Variants in MBP observed in about 807,000 individuals in gnomAD.
The protein encoded by MBP is myelin basic protein.
A neutral mutation model predicts 35.8 loss-of-function variants in MBP; 16 were observed. The ratio of observed to expected loss-of-function variants is 0.45; its 90% CI spans 0.30 to 0.68. MBP has a LOEUF of 0.68. Ranked by LOEUF, MBP falls within the 30% of genes least tolerant of loss-of-function variation. MBP has a pLI of 0.08. For synonymous variants in MBP, 143 were observed against 159.6 expected (o/e 0.90, Z 0.78); for missense variants, 380 against 404.7 (o/e 0.94, Z 0.52).
At chr18:77,027,092 CT>C (rs1972253911) in intron 3 of MBP, among the ~76,000 whole-genome samples, 1 of 152,100 alleles carries the variant, frequency 6.6e-6, no homozygotes, top group African/African-American at 2.4e-5. Context: ...GATTCCCAGA[CT>C]TCATAGGCCA....
chr18:77,023,508 G>C (rs1343038657), intron 3 of MBP, among the ~76,000 whole-genome samples: 1 of 152,072 alleles, frequency 6.6e-6, no homozygotes, highest in Non-Finnish European at 1.5e-5. Context: ...CTCATCTCCA[G>C]GATCCCTTCG....
chr18:77,025,828 G>A (rs2123545742), intron 3 of MBP, among the ~76,000 whole-genome samples: 1 of 148,764 alleles, frequency 6.7e-6, no homozygotes, highest in South Asian at 2.1e-4. Flanking sequence ...CAAACATCTG[G>A]GTTCCCAGGC....
chr18:76,985,631 C>A (rs1449014872), intron 7 of MBP: 2 of 1,056,508 alleles, frequency 1.9e-6, no homozygotes, highest in East Asian at 1.7e-4. Flanking sequence ...GCACGGGGGG[C>A]GGCCGCATCC....
chr18:77,011,587 G>A (rs774721188), intron 4 of MBP, among the ~76,000 whole-genome samples: 16 of 152,274 alleles, frequency 1.1e-4, no homozygotes, highest in South Asian at 2.1e-4. Context: ...CTGTAACCCC[G>A]GCTGCCTGCC....
chr18:76,998,448 G>A (rs1198643235), intron 4 of MBP, among the ~76,000 whole-genome samples: 2 of 152,162 alleles, frequency 1.3e-5, no homozygotes, highest in African/African-American at 4.8e-5. Context: ...TCCACCTTCT[G>A]GCTCTAGTTC....
chr18:77,080,474 C>A (rs1974845887), intron 2 of MBP, among the ~76,000 whole-genome samples: 1 of 152,158 alleles, frequency 6.6e-6, no homozygotes, highest in African/African-American at 2.4e-5. Flanking sequence ...GGTGTTTGGC[C>A]TCCACCCACT....
rs534855546 is a variant in MBP at position 77,022,886 on chromosome 18, T to TC, written c.140-5619dup. Among the ~76,000 whole-genome samples the TC allele has an allele frequency of 3.1e-3, 478 of 152,370 alleles. 3 individuals are homozygous for TC. Among genetic ancestry groups the TC allele is most frequent in the African/African-American group, 6.1e-3 (255 of 41,584 alleles). ...TTTGGTAGGGGCGAGTGCAGTTTAG[T>TC]CGTTAATATTGCCTTCAGTCAAACG... On this transcript the variant is annotated intron_variant, in intron 3 of 8. Transcript: ENST00000355994.
chr18:77,076,590 A>G (rs983789590), intron 2 of MBP, among the ~76,000 whole-genome samples: 2 of 152,198 alleles, frequency 1.3e-5, no homozygotes, highest in African/African-American at 4.8e-5. Context: ...GTTTGGAATC[A>G]TTTGTTCTGT....
At chr18:77,016,453 C>T (rs902077261) in intron 4 of MBP, 2 of 1,065,732 alleles carry the variant, frequency 1.9e-6, no homozygotes, top group East Asian at 6.8e-5. Context: ...TGAACCCCAG[C>T]GTGTGGGCTG....
At chr18:77,078,942 C>A (rs1974773053) in intron 2 of MBP, among the ~76,000 whole-genome samples, 3 of 152,330 alleles carry the variant, frequency 2.0e-5, no homozygotes, top group Admixed American at 1.3e-4. Flanking sequence ...CTGCCCAGCA[C>A]CCTCCCAAGA....
intron 3 of MBP, among the ~76,000 whole-genome samples, chr18:77,034,701 C>T (rs1284626875): frequency 1.3e-5 from 2 of 152,172 alleles, no homozygotes; most frequent in Admixed American, 6.5e-5. Flanking sequence ...TCCAGTGGTG[C>T]GTTTTATGCC....
chr18:77,049,239 G>T (rs1388023029), intron 3 of MBP, among the ~76,000 whole-genome samples: 2 of 152,148 alleles, frequency 1.3e-5, no homozygotes, highest in Non-Finnish European at 2.9e-5. Context: ...TTTTTAATCT[G>T]TTTTGTTCAC....
intron 4 of MBP, among the ~76,000 whole-genome samples, chr18:76,994,272 G>T (rs933663914): frequency 6.6e-6 from 1 of 152,192 alleles, no homozygotes; most frequent in African/African-American, 2.4e-5. Flanking sequence ...CTCGGTGTTT[G>T]GATAGCATTT....
In MBP at chr18:76,988,770, A is replaced by G. The variant is rs917077809; in HGVS notation, c.717+107T>C. The stretch of plus-strand genomic sequence containing the variant: ...GAGCTGCCTGGCAACACGTTTTGGG[A>G]TGGATTCTGGTAGCTCGGAGCCTAA... On this transcript the variant is annotated intron_variant, in intron 6 of 8. Coordinates refer to ENST00000355994, the MANE Select transcript of MBP (RefSeq NM_001025101.2). This position sits in a 1 kb window ranked among gnomAD's most constrained non-coding sequence, Gnocchi z 5.2. The G allele has an allele frequency of 2.8e-6, 4 of 1,413,008 alleles. No homozygotes were observed. Among genetic ancestry groups the G allele is most frequent in the African/African-American group, 2.9e-5 (2 of 69,874 alleles). The allele number at this position is 1,413,008 out of a possible 1,614,324, so 87.5% of individuals were successfully genotyped here.
chr18:77,130,862 A>G (rs951886760), intron 1 of MBP, among the ~76,000 whole-genome samples: 4 of 151,986 alleles, frequency 2.6e-5, no homozygotes, highest in African/African-American at 9.7e-5. Context: ...CAGAACTGTG[A>G]TACTTCTGGA....
intron 3 of MBP, among the ~76,000 whole-genome samples, chr18:77,022,763 T>C (rs560661316): frequency 3.3e-5 from 5 of 152,348 alleles, no homozygotes; most frequent in Non-Finnish European, 7.3e-5. Flanking sequence ...ATGCAGTTAT[T>C]TGTGAGGCAC....
At chr18:77,025,867 G>A (rs944427173) in intron 3 of MBP, among the ~76,000 whole-genome samples, 3 of 152,212 alleles carry the variant, frequency 2.0e-5, no homozygotes, top group Non-Finnish European at 4.4e-5. Flanking sequence ...AAACCAGGAC[G>A]GACAGGCCGA....
At chr18:77,085,702 T>TTTTTTTA (rs776391798) in intron 2 of MBP, among the ~76,000 whole-genome samples, 1 of 143,736 alleles carries the variant, frequency 7.0e-6, no homozygotes, top group Non-Finnish European at 1.6e-5. Context: ...TTTTTTTTTT[T>TTTTTTTA]GAGACAGAGT....
Position 76,989,992 on chromosome 18 carries a change from T to C in MBP, c.645A>G (p.Gln215=), listed in dbSNP as rs547380909. 17 of 1,612,716 alleles carry C rather than the reference T, an allele frequency of 1.1e-5. No individual in the cohort carries two copies. The highest frequency in any genetic ancestry group is 1.3e-5 in the African/African-American group (1 of 74,994). ...SLPQKSHGRT[Q]DENPVVHFFK... Reference sequence around the variant, plus strand: ...AGAAGTGGACTACGGGGTTTTCATCTTGGGTCCGGCCGTGTGACTTCTGGG... The same window carrying C: ...AGAAGTGGACTACGGGGTTTTCATCCTGGGTCCGGCCGTGTGACTTCTGGG... Residue 215 remains glutamine, a synonymous_variant, in exon 5 of 9, where the codon CAA becomes CAG. Transcript: ENST00000355994. The surrounding 1 kb of genome is among the most constrained non-coding windows in gnomAD (Gnocchi z 4.0).
Sources: allele counts gnomAD v4.1 joint callset (sites outside exome capture counted in the v4.1 genomes callset), GRCh38; gene constraint gnomAD v4.1.1; non-coding constraint Gnocchi (gnomAD v3.1); transcripts MANE v1.5; gene names NCBI Gene and HGNC (gene_info 2026-07-23, HGNC 2026-07-21).